The following COL25A1 variants were observed in gnomAD, a reference collection of about 807,000 sequenced individuals.
COL25A1 encodes the protein collagen type XXV alpha 1 chain.
Under a neutral mutation model 128.4 loss-of-function variants are expected in COL25A1, and 103 were observed. The observed-to-expected ratio is 0.80, with a 90% CI of 0.68 to 0.94. The LOEUF (loss-of-function observed/expected upper bound fraction) is 0.94. Among genes scored for constraint, COL25A1 ranks in the 40% least tolerant of loss-of-function variants. The pLI, the probability that COL25A1 is intolerant of heterozygous loss-of-function variation, is 0.00. For missense variants in COL25A1, 745 were observed against 840.0 expected (o/e 0.89, Z 1.40); for synonymous variants, 279 against 277.2 (o/e 1.01, Z -0.06).
chr4:109,160,607 C>T (rs2526439), intron 3 of COL25A1, among the ~76,000 whole-genome samples: 9,007 of 152,118 alleles, frequency 0.059, 456 homozygotes, highest in African/African-American at 0.13. Flanking sequence ...GGGCTCTGTC[C>T]ATCTGCACAA....
At chr4:108,988,688 A>G (rs1347289419) in intron 6 of COL25A1, among the ~76,000 whole-genome samples, 1 of 152,106 alleles carries the variant, frequency 6.6e-6, no homozygotes, top group African/African-American at 2.4e-5. Flanking sequence ...ATAACGAGTC[A>G]CTCCTGAAAC....
At chr4:109,020,191 C>G (rs774824138) in intron 5 of COL25A1, among the ~76,000 whole-genome samples, 5 of 152,194 alleles carry the variant, frequency 3.3e-5, no homozygotes, top group Non-Finnish European at 7.3e-5. Context: ...ATAAGCTGCT[C>G]TTGCCAAGAA....
chr4:109,221,338 C>T lies in COL25A1; in HGVS notation c.367+79245G>A, dbSNP rs532937177. Reference sequence around the variant, plus strand: ...TAAATCAGAGTAGAATGAAAATCCACGCAAATTTCTCCAATGAGTTCTTAA... The same window carrying T: ...TAAATCAGAGTAGAATGAAAATCCATGCAAATTTCTCCAATGAGTTCTTAA... On this transcript the variant is annotated intron_variant, in intron 3 of 37. Transcript: ENST00000399132. Among the ~76,000 whole-genome samples, 112 of 152,178 alleles carry T rather than the reference C, an allele frequency of 7.4e-4. No individual in the cohort carries two copies. The Middle Eastern group carries it at 0.01, about 14-fold the overall frequency.
intron 35 of COL25A1, chr4:108,819,940 G>GATACAA: frequency 3.1e-6 from 3 of 960,550 alleles, no homozygotes; most frequent in Non-Finnish European, 4.1e-6. Flanking sequence ...ATTTTATTTG[G>GATACAA]GGGAAAATAA....
intron 27 of COL25A1, among the ~76,000 whole-genome samples, chr4:108,848,327 G>A (rs1366329456): frequency 6.6e-6 from 1 of 152,078 alleles, no homozygotes; most frequent in African/African-American, 2.4e-5. Flanking sequence ...ATTTTCTAAG[G>A]ATCTAGGGAT....
In COL25A1 at chr4:108,872,948, A is replaced by G. The variant is rs1279585062; in HGVS notation, c.1021-3798T>C. Among the ~76,000 whole-genome samples, 6 of 151,596 alleles carry G rather than the reference A, an allele frequency of 4.0e-5. No individual in the cohort carries two copies. In the East Asian group the frequency reaches 1.2e-3, roughly 29 times the overall value. Reference sequence around the variant, plus strand: ...TCACTCTGTGCCCAGGCTGAAGTTCAGTGGTATGATCATGGCTCACTGCAG... The same window carrying G: ...TCACTCTGTGCCCAGGCTGAAGTTCGGTGGTATGATCATGGCTCACTGCAG... On this transcript the variant is annotated intron_variant, in intron 19 of 37. Transcript: ENST00000399132.
At chr4:109,049,051 C>A (rs1760732756) in intron 4 of COL25A1, among the ~76,000 whole-genome samples, 1 of 152,006 alleles carries the variant, frequency 6.6e-6, no homozygotes, top group African/African-American at 2.4e-5. Flanking sequence ...TAAGCAACTA[C>A]ACTGCTCAAA....
At chr4:109,254,505 A>ATATATATATATATATATGTGTGTG (rs1383703429) in intron 3 of COL25A1, among the ~76,000 whole-genome samples, 1 of 105,012 alleles carries the variant, frequency 9.5e-6, no homozygotes, top group African/African-American at 3.4e-5. Flanking sequence ...ATATATATAT[A>ATATATATATATATATATGTGTGTG]TGTATGTGTG....
At chr4:109,023,573 A>G (rs1435775749) in intron 5 of COL25A1, among the ~76,000 whole-genome samples, 3 of 152,218 alleles carry the variant, frequency 2.0e-5, no homozygotes, top group Non-Finnish European at 2.9e-5. Context: ...GGAGGAAGAA[A>G]GAAGTAAAGA....
chr4:109,074,727 C>T (rs755008210), intron 3 of COL25A1, among the ~76,000 whole-genome samples: 2 of 152,014 alleles, frequency 1.3e-5, no homozygotes, highest in Non-Finnish European at 2.9e-5. Context: ...ATAATAGTGC[C>T]ACCATTTAGG....
intron 11 of COL25A1, among the ~76,000 whole-genome samples, chr4:108,929,540 T>C (rs1746476598): frequency 6.6e-6 from 1 of 152,170 alleles, no homozygotes; most frequent in African/African-American, 2.4e-5. Flanking sequence ...ATAAGACATA[T>C]ATAAATATAA....
intron 19 of COL25A1, among the ~76,000 whole-genome samples, chr4:108,873,568 T>C (rs4989258): frequency 0.093 from 13,433 of 144,624 alleles, 664 homozygotes; most frequent in Middle Eastern, 0.13. Context: ...GTAGCAGCAG[T>C]AGCAGCAGTA....
intron 13 of COL25A1, 44 bp downstream of exon 13, chr4:108,918,128 G>T: frequency 7.8e-7 from 1 of 1,279,612 alleles, no homozygotes; most frequent in Non-Finnish European, 1.1e-6. Context: ...TGATTTCAAT[G>T]CTCACCAAAT....
At chr4:109,215,448 G>A (rs887493971) in intron 3 of COL25A1, among the ~76,000 whole-genome samples, 1 of 152,030 alleles carries the variant, frequency 6.6e-6, no homozygotes, top group African/African-American at 2.4e-5. Flanking sequence ...AGTTTATTTG[G>A]AGGTCAGTCA....
chr4:108,946,869 C>G (rs1748821662), intron 8 of COL25A1, among the ~76,000 whole-genome samples: 1 of 152,020 alleles, frequency 6.6e-6, no homozygotes, highest in South Asian at 2.1e-4. Context: ...GAGATTGTGT[C>G]TTAGAACTAG....
At chr4:109,122,605 T>C (rs942987905) in intron 3 of COL25A1, among the ~76,000 whole-genome samples, 3 of 152,084 alleles carry the variant, frequency 2.0e-5, no homozygotes, top group African/African-American at 7.2e-5. Flanking sequence ...TGTTGTAACA[T>C]GTAAGTTATA....
At chr4:109,088,267 A>C (rs1579325391) in intron 3 of COL25A1, among the ~76,000 whole-genome samples, 1 of 152,150 alleles carries the variant, frequency 6.6e-6, no homozygotes, top group African/African-American at 2.4e-5. Flanking sequence ...GAATCTGTGA[A>C]AAATTAGAGT....
At chr4:108,979,365 T>C (rs558710173) in intron 6 of COL25A1, among the ~76,000 whole-genome samples, 13 of 152,338 alleles carry the variant, frequency 8.5e-5, no homozygotes, top group East Asian at 5.8e-4. Context: ...CAGGAAAATA[T>C]TGAATTTCAA....
At chr4:108,839,919 A>C (rs1298907491) in intron 31 of COL25A1, among the ~76,000 whole-genome samples, 5 of 152,076 alleles carry the variant, frequency 3.3e-5, no homozygotes, top group Non-Finnish European at 7.4e-5. Context: ...AGTCATTATG[A>C]CCAGGCTGGT....
Sources: gnomAD v4.1 joint callset for allele counts (sites outside exome capture counted in the v4.1 genomes callset) on GRCh38, gnomAD v4.1.1 for gene constraint, MANE v1.5 for transcripts, NCBI Gene and HGNC (gene_info 2026-07-23, HGNC 2026-07-21) for gene names.